Variants in DIAPH3 observed in about 807,000 individuals in gnomAD.
DIAPH3 encodes diaphanous related formin 3.
DIAPH3 carries 117 observed loss-of-function variants against 144.3 expected under a neutral mutation model. That is an observed-to-expected ratio of 0.81 (90% CI 0.70 to 0.95). The LOEUF is 0.95. Among genes scored for constraint, DIAPH3 ranks in the 40% least tolerant of loss-of-function variants. DIAPH3 has a pLI of 0.00. For synonymous variants in DIAPH3, 519 were observed against 488.9 expected (o/e 1.06, Z -0.81); for missense variants, 1,421 against 1,412.7 (o/e 1.01, Z -0.09).
At chr13:59,672,391 C>CT (rs2032421800) in intron 27 of DIAPH3, among the ~76,000 whole-genome samples, 1 of 151,792 alleles carries the variant, frequency 6.6e-6, no homozygotes, top group Admixed American at 6.6e-5. Flanking sequence ...ATGTAGAACT[C>CT]TGGTGTCCTA....
chr13:59,732,762 A>G (rs544174848), intron 27 of DIAPH3, among the ~76,000 whole-genome samples: 1 of 152,200 alleles, frequency 6.6e-6, no homozygotes, highest in East Asian at 1.9e-4. Context: ...ATAGATATAT[A>G]TATATCTGAT....
At chr13:59,718,030 G>A (rs2035145724) in intron 27 of DIAPH3, among the ~76,000 whole-genome samples, 1 of 152,060 alleles carries the variant, frequency 6.6e-6, no homozygotes, top group African/African-American at 2.4e-5. Context: ...AGCTGCTACT[G>A]TATATATTAG....
At chr13:59,688,524 GA>G (rs1297668273) in intron 27 of DIAPH3, among the ~76,000 whole-genome samples, 1 of 151,780 alleles carries the variant, frequency 6.6e-6, no homozygotes, top group Non-Finnish European at 1.5e-5. Context: ...ACAGAGCTAG[GA>G]ACCACCAAGA....
intron 4 of DIAPH3, among the ~76,000 whole-genome samples, chr13:60,081,416 G>T (rs1054804447): frequency 3.3e-5 from 5 of 151,970 alleles, no homozygotes; most frequent in Non-Finnish European, 1.5e-5. Flanking sequence ...AATAGTTAGG[G>T]CAGCGGGGGT....
Position 60,015,560 on chromosome 13 carries a change from G to A in DIAPH3, c.771+353C>T, listed in dbSNP as rs145117510. 8.7e-3 allele frequency among the ~76,000 whole-genome samples: 1,328 copies of A among 151,824 alleles called. 16 individuals are homozygous for A. The highest frequency in any genetic ancestry group is 0.03 in the African/African-American group (1,259 of 41,364). On this transcript the variant is annotated intron_variant, in intron 7 of 27. Transcript: ENST00000400324. ...GTACTTTTGAGAGTTAGGAGAGGGA[G>A]GAAATGAAGGAAGGAAGAAAAGAGG...
intron 4 of DIAPH3, 27 bp from the exon 5 acceptor site, chr13:60,042,847 G>T (rs1016538681): frequency 6.2e-7 from 1 of 1,610,316 alleles, no homozygotes; most frequent in South Asian, 1.1e-5. Flanking sequence ...AAAATGTTTT[G>T]ATTAATACTG....
intron 9 of DIAPH3, among the ~76,000 whole-genome samples, chr13:59,992,981 T>C (rs1350157234): frequency 4.6e-5 from 7 of 151,220 alleles, no homozygotes; most frequent in Non-Finnish European, 8.9e-5. Context: ...AATAGGATAA[T>C]AAAATAGTTT....
chr13:59,808,417 T>A (rs1281573439), intron 25 of DIAPH3, among the ~76,000 whole-genome samples: 1 of 151,864 alleles, frequency 6.6e-6, no homozygotes, highest in Admixed American at 6.6e-5. Flanking sequence ...ATCTATAAAA[T>A]TAGCAAAAAT....
At chr13:59,700,643 C>G (rs1044688027) in intron 27 of DIAPH3, among the ~76,000 whole-genome samples, 4 of 152,154 alleles carry the variant, frequency 2.6e-5, no homozygotes, top group East Asian at 1.9e-4. Context: ...GTGCAAAGAC[C>G]ATGATCTTCC....
At chr13:59,856,112 GGAATT>G (rs1229399315) in intron 22 of DIAPH3, among the ~76,000 whole-genome samples, 11 of 152,100 alleles carry the variant, frequency 7.2e-5, no homozygotes, top group African/African-American at 2.4e-4. Context: ...ACTCAAAAGA[GGAATT>G]GAAGCATACT....
chr13:59,746,664 A>G (rs1407704113), intron 27 of DIAPH3, among the ~76,000 whole-genome samples: 1 of 152,148 alleles, frequency 6.6e-6, no homozygotes, highest in Admixed American at 6.5e-5. Context: ...GCTACACAAT[A>G]AGTTTTGGAG....
chr13:60,000,426 A>G (rs1357493216), intron 9 of DIAPH3, among the ~76,000 whole-genome samples: 1 of 152,132 alleles, frequency 6.6e-6, no homozygotes, highest in Non-Finnish European at 1.5e-5. Context: ...AATAGGAAAA[A>G]AAAAAACCTA....
intron 17 of DIAPH3, among the ~76,000 whole-genome samples, chr13:59,933,896 T>C (rs2048142538): frequency 6.6e-6 from 1 of 152,210 alleles, no homozygotes; most frequent in Non-Finnish European, 1.5e-5. Context: ...TTCAAAATCC[T>C]TTCTTTCATA....
chr13:59,875,105 T>A (rs2044532013), intron 21 of DIAPH3, among the ~76,000 whole-genome samples: 1 of 152,194 alleles, frequency 6.6e-6, no homozygotes, highest in Non-Finnish European at 1.5e-5. Context: ...ACATCTTTGA[T>A]ACTAACCAGA....
chr13:60,107,036 A>G (rs1395065617), intron 3 of DIAPH3, among the ~76,000 whole-genome samples: 2 of 152,102 alleles, frequency 1.3e-5, no homozygotes, highest in African/African-American at 4.8e-5. Flanking sequence ...TATAAAGAGG[A>G]TATTGGTACT....
intron 21 of DIAPH3, among the ~76,000 whole-genome samples, chr13:59,878,903 T>C (rs1359445687): frequency 2.0e-5 from 3 of 152,150 alleles, no homozygotes; most frequent in African/African-American, 7.2e-5. Context: ...TATATACAGG[T>C]ATCTGAACTG....
intron 27 of DIAPH3, among the ~76,000 whole-genome samples, chr13:59,767,331 CCTTTT>C (rs1445556265): frequency 2.0e-5 from 3 of 152,056 alleles, no homozygotes; most frequent in Non-Finnish European, 4.4e-5. Flanking sequence ...AAATGGCTTC[CCTTTT>C]AAGTAATGCA....
intron 5 of DIAPH3, among the ~76,000 whole-genome samples, chr13:60,027,593 A>G (rs549500158): frequency 6.6e-6 from 1 of 152,300 alleles, no homozygotes; most frequent in East Asian, 1.9e-4. Context: ...AGAGTTCTTG[A>G]CCTTTAGATG....
At chr13:59,941,268 C>A (rs2048518003) in intron 17 of DIAPH3, among the ~76,000 whole-genome samples, 1 of 152,032 alleles carries the variant, frequency 6.6e-6, no homozygotes, top group Non-Finnish European at 1.5e-5. Flanking sequence ...AAGGATGCAG[C>A]ACATGAGAAA....
Sources: allele counts gnomAD v4.1 joint callset (sites outside exome capture counted in the v4.1 genomes callset), GRCh38; gene constraint gnomAD v4.1.1; transcripts MANE v1.5; gene names NCBI Gene and HGNC (gene_info 2026-07-23, HGNC 2026-07-21).